Variants in ROBO2 observed in about 807,000 individuals in gnomAD.
ROBO2 encodes the protein roundabout homolog 2.
In ROBO2, 53 loss-of-function variants were observed where a neutral mutation model predicts 160.8. That is an observed-to-expected ratio of 0.33 (90% CI 0.26 to 0.41). The LOEUF (loss-of-function observed/expected upper bound fraction) is 0.41, where lower values mean the gene tolerates loss of function less well. ROBO2 is among the 10% of genes least tolerant of loss of function. The probability of loss-of-function intolerance (pLI) is 1.00; values close to 1 mark genes in which losing one functional copy is unlikely to be tolerated. For missense variants in ROBO2, 1,577 were observed against 1,722.4 expected (o/e 0.92, Z 1.49); for synonymous variants, 664 against 611.7 (o/e 1.09, Z -1.26).
At chr3:76,263,934 C>T (rs1706931313) in intron 2 of ROBO2, among the ~76,000 whole-genome samples, 1 of 152,112 alleles carries the variant, frequency 6.6e-6, no homozygotes, top group Admixed American at 6.6e-5. Context: ...ATGGATGAAG[C>T]TGGAAACCAT....
chr3:76,503,000 ATGTG>A (rs76969660), intron 2 of ROBO2, among the ~76,000 whole-genome samples: 8 of 143,144 alleles, frequency 5.6e-5, no homozygotes, highest in Admixed American at 1.3e-4. Context: ...ATATATATAT[ATGTG>A]TGTGTGTGTG....
intron 2 of ROBO2, among the ~76,000 whole-genome samples, chr3:76,098,609 A>G (rs1176077638): frequency 1.9e-5 from 2 of 102,908 alleles, no homozygotes; most frequent in African/African-American, 3.3e-5. Context: ...TAGAGTTTTT[A>G]TATTGTTTGA....
intron 2 of ROBO2, among the ~76,000 whole-genome samples, chr3:76,755,458 G>C (rs2060916560): frequency 6.6e-6 from 1 of 151,796 alleles, no homozygotes; most frequent in Non-Finnish European, 1.5e-5. Flanking sequence ...CATAGATGAA[G>C]ATTTTTGCTA....
intron 2 of ROBO2, among the ~76,000 whole-genome samples, chr3:77,177,020 G>T (rs901380581): frequency 7.8e-6 from 1 of 128,766 alleles, no homozygotes; most frequent in African/African-American, 2.6e-5. Context: ...TTAAGTTTTT[G>T]ACTTAAAAAA....
intron 2 of ROBO2, among the ~76,000 whole-genome samples, chr3:76,795,519 T>C (rs899310108): frequency 2.6e-5 from 4 of 152,138 alleles, no homozygotes; most frequent in Non-Finnish European, 5.9e-5. Flanking sequence ...CTCTCTTTGC[T>C]CATCCATAAG....
At chr3:77,018,190 C>A (rs936898421) in intron 2 of ROBO2, among the ~76,000 whole-genome samples, 2 of 152,132 alleles carry the variant, frequency 1.3e-5, no homozygotes, top group Non-Finnish European at 2.9e-5. Context: ...ACAAACCCAG[C>A]CTCCAAGGAT....
exon 6 of ROBO2, chr3:77,522,832 A>G (rs774485868): frequency 6.2e-7 from 1 of 1,609,758 alleles, no homozygotes; most frequent in Non-Finnish European, 8.5e-7. Context: ...GTACAGATGA[A>G]GGCACCTATA....
In ROBO2 at chr3:76,253,889, C is replaced by T. The variant is rs544697064; in HGVS notation, c.109+316287C>T. 1.5e-3 allele frequency among the ~76,000 whole-genome samples: 223 copies of T among 151,592 alleles called. 2 individuals carry two copies. The highest frequency in any genetic ancestry group is 6.8e-3 in the Middle Eastern group (2 of 294). On this transcript the variant is annotated intron_variant, in intron 2 of 26. Coordinates refer to the ROBO2 transcript ENST00000487694. Reference sequence around the variant, plus strand: ...GTTACATGCTTCACTCTCAGGAGAACACTTATCTTGAAAGAAGAAAAATGG... The same window carrying T: ...GTTACATGCTTCACTCTCAGGAGAATACTTATCTTGAAAGAAGAAAAATGG...
chr3:76,233,078 C>A (rs1704719513), intron 2 of ROBO2, among the ~76,000 whole-genome samples: 3 of 152,046 alleles, frequency 2.0e-5, no homozygotes, highest in African/African-American at 7.2e-5. Flanking sequence ...TGAATTCATT[C>A]ATTCTTTCTT....
intron 1 of ROBO2, among the ~76,000 whole-genome samples, chr3:75,928,032 T>C (rs1947360900): frequency 7.0e-6 from 1 of 142,690 alleles, no homozygotes; most frequent in Non-Finnish European, 1.5e-5. Context: ...CCCCCCAGGC[T>C]GGAGTGCAGG....
chr3:76,486,200 A>G (rs2079488212), intron 2 of ROBO2, among the ~76,000 whole-genome samples: 1 of 152,168 alleles, frequency 6.6e-6, no homozygotes, highest in Non-Finnish European at 1.5e-5. Context: ...TTTTTCTGGG[A>G]AGGACTTAGC....
intron 2 of ROBO2, among the ~76,000 whole-genome samples, chr3:76,470,693 C>A (rs2078610109): frequency 6.6e-6 from 1 of 152,054 alleles, no homozygotes; most frequent in African/African-American, 2.4e-5. Context: ...TAAAAGTGAA[C>A]CACTGGATTA....
chr3:76,804,592 G>A lies in ROBO2; in HGVS notation c.110-293422G>A, dbSNP rs183852901. On this transcript the variant is annotated intron_variant, in intron 2 of 26. Coordinates refer to the ROBO2 transcript ENST00000487694. ...TAATATTAAAGTTAAGGTTTTGAGA[G>A]CAGACAGTCCCTAAATTTGAATGCT... 2.6e-5 allele frequency among the ~76,000 whole-genome samples: 4 copies of A among 152,292 alleles called. No homozygotes were observed. In the East Asian group the frequency reaches 7.7e-4, roughly 29 times the overall value.
intron 5 of ROBO2, among the ~76,000 whole-genome samples, chr3:77,516,181 A>G (rs1192713786): frequency 6.6e-6 from 1 of 151,620 alleles, no homozygotes; most frequent in Admixed American, 6.6e-5. Flanking sequence ...AGAAACGAGG[A>G]ATAAAATTGA....
chr3:76,003,620 C>T (rs115098688), intron 2 of ROBO2, among the ~76,000 whole-genome samples: 32 of 152,248 alleles, frequency 2.1e-4, no homozygotes, highest in East Asian at 7.7e-4. Context: ...GCTCCACATT[C>T]GCAGATTCAA....
intron 2 of ROBO2, among the ~76,000 whole-genome samples, chr3:76,421,293 T>C (rs1186970098): frequency 1.3e-5 from 2 of 152,224 alleles, no homozygotes; most frequent in Non-Finnish European, 2.9e-5. Flanking sequence ...GTGCATTTTG[T>C]ACTCATTCAA....
chr3:76,405,153 A>C (rs1272118688), intron 2 of ROBO2, among the ~76,000 whole-genome samples: 1 of 151,514 alleles, frequency 6.6e-6, no homozygotes, highest in Non-Finnish European at 1.5e-5. Context: ...GGCCTCTTTG[A>C]TGGGGTGTCA....
intron 2 of ROBO2, among the ~76,000 whole-genome samples, chr3:76,056,818 C>T (rs1450356544): frequency 6.6e-6 from 1 of 152,120 alleles, no homozygotes; most frequent in Non-Finnish European, 1.5e-5. Flanking sequence ...TTGCTAAAGT[C>T]TACCCTATAA....
intron 2 of ROBO2, among the ~76,000 whole-genome samples, chr3:76,881,627 A>AT (rs2073344507): frequency 6.6e-6 from 1 of 152,220 alleles, no homozygotes; most frequent in African/African-American, 2.4e-5. Context: ...CAAAATATGT[A>AT]TTTTCTATTT....
Sources: gnomAD v4.1 joint callset for allele counts (sites outside exome capture counted in the v4.1 genomes callset) on GRCh38, gnomAD v4.1.1 for gene constraint, MANE v1.5 for transcripts, NCBI Gene and HGNC (gene_info 2026-07-23, HGNC 2026-07-21) for gene names.